The following CACNG3 variants were observed in gnomAD, a reference collection of about 807,000 sequenced individuals.
CACNG3 encodes calcium voltage-gated channel auxiliary subunit gamma 3.
CACNG3 carries 3 observed loss-of-function variants against 28.5 expected under a neutral mutation model. The observed-to-expected ratio is 0.11, with a 90% CI of 0.05 to 0.27. CACNG3 has a LOEUF of 0.27. CACNG3 is among the 10% of genes least tolerant of loss of function. The pLI is 1.00. For synonymous variants in CACNG3, 174 were observed against 162.2 expected, an observed-to-expected ratio of 1.07 and a Z score of -0.55; for missense variants, 236 against 414.4, an observed-to-expected ratio of 0.57 and a Z score of 3.74.
intron 1 of CACNG3, among the ~76,000 whole-genome samples, chr16:24,302,513 G>A (rs181255151): frequency 5.3e-5 from 8 of 152,090 alleles, no homozygotes; most frequent in African/African-American, 1.9e-4. Context: ...GGAGTGCAGT[G>A]GCATCATCAT....
intron 2 of CACNG3, 68 bp from the exon 3 acceptor site, chr16:24,354,765 C>A: frequency 6.6e-7 from 1 of 1,526,102 alleles, no homozygotes; most frequent in Non-Finnish European, 9.0e-7. Context: ...GGCACTCCTG[C>A]GCTTGCAATG....
chr16:24,313,711 C>T (rs1470040855), intron 1 of CACNG3, among the ~76,000 whole-genome samples: 1 of 152,084 alleles, frequency 6.6e-6, no homozygotes, highest in Non-Finnish European at 1.5e-5. Flanking sequence ...GCTCCTGCCT[C>T]AGCCTCCCAA....
chr16:24,341,867 T>C (rs940941150), intron 1 of CACNG3, among the ~76,000 whole-genome samples: 2 of 152,238 alleles, frequency 1.3e-5, no homozygotes, highest in Non-Finnish European at 2.9e-5. Flanking sequence ...GTCAGCTACG[T>C]CATCCAGGGA....
chr16:24,267,059 T>C (rs1019708151), intron 1 of CACNG3, among the ~76,000 whole-genome samples: 2 of 150,632 alleles, frequency 1.3e-5, no homozygotes, highest in African/African-American at 4.9e-5. Context: ...CTCTGCCTCC[T>C]GGGTTCACGC....
chr16:24,344,340 TG>T (rs1242127039), intron 1 of CACNG3, among the ~76,000 whole-genome samples: 1 of 149,534 alleles, frequency 6.7e-6, no homozygotes, highest in Non-Finnish European at 1.5e-5. Flanking sequence ...ACCTGGGAGG[TG>T]GAGGTTGCAG....
chr16:24,256,412 C>T lies in CACNG3; in HGVS notation c.-343C>T, dbSNP rs1021876391. On this transcript the variant is annotated 5_prime_UTR_variant, in exon 1 of 4. Coordinates refer to ENST00000005284, the MANE Select transcript of CACNG3 (RefSeq NM_006539.4). The surrounding 1 kb of genome is among the most constrained non-coding windows in gnomAD (Gnocchi z 4.6). ...GTGAGAAGCCAGGCGCATCTCAAAC[C>T]GAGCTGGCAGCTCCAGGCTCCGGAG... 3 of 287,696 alleles carry T rather than the reference C, an allele frequency of 1.0e-5. No individual in the cohort carries two copies. The highest frequency in any genetic ancestry group is 2.2e-5 in the African/African-American group (1 of 45,950). 17.8% of individuals were successfully genotyped at this position (287,696 alleles called of 1,614,324 possible).
At chr16:24,353,005 C>T (rs758010387) in intron 2 of CACNG3, among the ~76,000 whole-genome samples, 3 of 152,048 alleles carry the variant, frequency 2.0e-5, no homozygotes, top group Non-Finnish European at 4.4e-5. Context: ...AACAGAGACT[C>T]GTTCTGTTGC....
intron 1 of CACNG3, among the ~76,000 whole-genome samples, chr16:24,315,016 G>A (rs1428723955): frequency 2.0e-5 from 3 of 152,282 alleles, no homozygotes; most frequent in South Asian, 4.1e-4. Flanking sequence ...CCTGGAACAT[G>A]GAGGTGTCTT....
chr16:24,322,105 G>A (rs1899469037), intron 1 of CACNG3, among the ~76,000 whole-genome samples: 1 of 152,102 alleles, frequency 6.6e-6, no homozygotes, highest in Admixed American at 6.5e-5. Context: ...AACCTGAATT[G>A]GAAACCAGAC....
chr16:24,323,707 C>T (rs1185904577), intron 1 of CACNG3, among the ~76,000 whole-genome samples: 1 of 152,176 alleles, frequency 6.6e-6, no homozygotes, highest in Non-Finnish European at 1.5e-5. Flanking sequence ...TTACCTTTGC[C>T]TGGAAGGGCA....
At chr16:24,310,513 G>A (rs567167162) in intron 1 of CACNG3, among the ~76,000 whole-genome samples, 2 of 152,240 alleles carry the variant, frequency 1.3e-5, no homozygotes, top group African/African-American at 4.8e-5. Context: ...GCAGTGAGTC[G>A]AGATTGCACC....
intron 1 of CACNG3, among the ~76,000 whole-genome samples, chr16:24,339,904 T>A (rs1899761227): frequency 6.6e-6 from 1 of 152,192 alleles, no homozygotes; most frequent in African/African-American, 2.4e-5. Context: ...AGAAAAAGTG[T>A]CAGAAGTTAC....
At chr16:24,257,822 G>T (rs1022347805) in intron 1 of CACNG3, among the ~76,000 whole-genome samples, 1 of 152,174 alleles carries the variant, frequency 6.6e-6, no homozygotes, top group Non-Finnish European at 1.5e-5. Context: ...AGAAGAAAGA[G>T]CAATTTAAAA....
At chr16:24,275,338 T>C (rs10852264) in intron 1 of CACNG3, among the ~76,000 whole-genome samples, 148,703 of 152,314 alleles carry the variant, frequency 0.98, 72,621 homozygotes, top group Middle Eastern at 1. Flanking sequence ...ACCACTCACT[T>C]GCAGGGGAAG....
Position 24,362,034 on chromosome 16 carries a change from C to A in CACNG3, c.*171C>A, listed in dbSNP as rs1900109150. On this transcript the variant is annotated 3_prime_UTR_variant, in exon 4 of 4. Transcript: ENST00000005284. ...TTCCCCTCACCCTCCAAGTCCTAAC[C>A]CCTCCATCCTCTCTAACTTTTCAAG... 3 of 587,784 alleles carry A rather than the reference C, an allele frequency of 5.1e-6. No homozygotes were observed. The highest frequency in any genetic ancestry group is 8.7e-6 in the Non-Finnish European group (3 of 345,396). The allele number at this position is 587,784 out of a possible 1,614,324, so 36.4% of individuals were successfully genotyped here. A position where few individuals can be genotyped will look rare whatever the true frequency, so the allele number is the denominator to read the frequency against.
chr16:24,343,242 C>G, intron 1 of CACNG3, among the ~76,000 whole-genome samples: 1 of 152,046 alleles, frequency 6.6e-6, no homozygotes, highest in South Asian at 2.1e-4. Context: ...CCAGGAGCTA[C>G]TGGCGTTTGC....
chr16:24,356,738 G>A (rs529633741), intron 3 of CACNG3, among the ~76,000 whole-genome samples: 29 of 152,194 alleles, frequency 1.9e-4, no homozygotes, highest in African/African-American at 6.5e-4. Flanking sequence ...AGTACCAGCT[G>A]CATGGGGTTT....
intron 2 of CACNG3, among the ~76,000 whole-genome samples, chr16:24,350,026 C>G (rs187618694): frequency 6.6e-6 from 1 of 151,444 alleles, no homozygotes; most frequent in Non-Finnish European, 1.5e-5. Flanking sequence ...TAACTTAGCT[C>G]CATATAGTTT....
At chr16:24,283,151 G>T (rs958319324) in intron 1 of CACNG3, among the ~76,000 whole-genome samples, 1 of 152,018 alleles carries the variant, frequency 6.6e-6, no homozygotes, top group African/African-American at 2.4e-5. Flanking sequence ...CTAGAAGAGC[G>T]CCTTCTTCTC....
Sources: allele counts gnomAD v4.1 joint callset (sites outside exome capture counted in the v4.1 genomes callset), GRCh38; gene constraint gnomAD v4.1.1; non-coding constraint Gnocchi (gnomAD v3.1); transcripts MANE v1.5; gene names NCBI Gene and HGNC (gene_info 2026-07-23, HGNC 2026-07-21).